Variants in GPC6 observed in about 807,000 individuals in gnomAD.
The protein encoded by GPC6 is glypican 6, also known as glypican-6.
Under a neutral mutation model 55.2 loss-of-function variants are expected in GPC6, and 14 were observed. That is an observed-to-expected ratio of 0.25 (90% CI 0.17 to 0.40). The LOEUF (loss-of-function observed/expected upper bound fraction) is 0.40. Ranked by LOEUF, GPC6 falls within the 10% of genes least tolerant of loss-of-function variation. GPC6 has a pLI of 1.00. For synonymous variants in GPC6, 278 were observed against 259.6 expected (o/e 1.07, Z -0.68); for missense variants, 641 against 708.5 (o/e 0.90, Z 1.08).
chr13:93,796,179 C>T (rs1016238336), intron 2 of GPC6, among the ~76,000 whole-genome samples: 1 of 151,292 alleles, frequency 6.6e-6, no homozygotes. Flanking sequence ...CTGGGTGACA[C>T]AGTGAGACCC....
chr13:93,577,927 GA>G (rs1324019929), intron 2 of GPC6, among the ~76,000 whole-genome samples: 1 of 151,960 alleles, frequency 6.6e-6, no homozygotes, highest in Non-Finnish European at 1.5e-5. Context: ...AAGGCATGTT[GA>G]ATTTTATCTA....
intron 1 of GPC6, among the ~76,000 whole-genome samples, chr13:93,542,639 AT>A (rs1882364317): frequency 6.6e-6 from 1 of 152,146 alleles, no homozygotes; most frequent in Non-Finnish European, 1.5e-5. Flanking sequence ...CGTGATATTG[AT>A]TCTTCCTACC....
intron 3 of GPC6, among the ~76,000 whole-genome samples, chr13:94,015,199 GTTA>G (rs1882413040): frequency 6.6e-6 from 1 of 152,118 alleles, no homozygotes; most frequent in African/African-American, 2.4e-5. Context: ...ACCCACACTG[GTTA>G]TTATCTGTCT....
chr13:94,294,437 T>TAA (rs397944823), intron 5 of GPC6, among the ~76,000 whole-genome samples: 4,420 of 116,668 alleles, frequency 0.038, 153 homozygotes, highest in East Asian at 0.18. Context: ...AAATGAAGAT[T>TAA]AAAAAAAAAA....
intron 1 of GPC6, among the ~76,000 whole-genome samples, chr13:93,455,179 C>T (rs1212473469): frequency 6.6e-6 from 1 of 152,172 alleles, no homozygotes; most frequent in Non-Finnish European, 1.5e-5. Flanking sequence ...CTCCACACCT[C>T]CCTGCAATCT....
At chr13:93,523,028 T>C (rs568985888) in intron 1 of GPC6, among the ~76,000 whole-genome samples, 8,656 of 150,956 alleles carry the variant, frequency 0.057, 820 homozygotes, top group African/African-American at 0.2. Flanking sequence ...TATATATATA[T>C]ATACAAATAC....
chr13:93,569,682 C>A (rs1426611747), intron 2 of GPC6, among the ~76,000 whole-genome samples: 1 of 151,836 alleles, frequency 6.6e-6, no homozygotes, highest in Non-Finnish European at 1.5e-5. Context: ...ATATTAATAG[C>A]ATATTAATAA....
At chr13:93,431,434 TA>T (rs989182413) in intron 1 of GPC6, among the ~76,000 whole-genome samples, 8 of 151,986 alleles carry the variant, frequency 5.3e-5, no homozygotes, top group African/African-American at 1.7e-4. Context: ...TTGATAAATA[TA>T]AAAAAATACA....
At chr13:93,630,812 C>T (rs1879395360) in intron 2 of GPC6, among the ~76,000 whole-genome samples, 1 of 152,062 alleles carries the variant, frequency 6.6e-6, no homozygotes, top group African/African-American at 2.4e-5. Context: ...TTCTCACCTT[C>T]TGTTATGGGC....
At chr13:93,300,546 G>T (rs1394695987) in intron 1 of GPC6, among the ~76,000 whole-genome samples, 4 of 151,512 alleles carry the variant, frequency 2.6e-5, no homozygotes, top group Non-Finnish European at 4.4e-5. Context: ...TACTTGGGAG[G>T]CTGAGGCAGG....
chr13:93,406,516 A>G (rs780622845), intron 1 of GPC6, among the ~76,000 whole-genome samples: 23 of 152,214 alleles, frequency 1.5e-4, no homozygotes, highest in Non-Finnish European at 2.6e-4. Context: ...ATTTACTTCT[A>G]TAAGTAAAGT....
chr13:94,393,214 G>C (rs1880740174), intron 7 of GPC6, among the ~76,000 whole-genome samples: 1 of 152,168 alleles, frequency 6.6e-6, no homozygotes, highest in Admixed American at 6.5e-5. Context: ...AATGACCACA[G>C]TGAATATGCT....
intron 1 of GPC6, among the ~76,000 whole-genome samples, chr13:93,372,271 G>A (rs896341528): frequency 2.0e-4 from 30 of 152,064 alleles, no homozygotes; most frequent in African/African-American, 6.8e-4. Context: ...AAGAGAAGCA[G>A]AGGTCCTGCT....
At chr13:94,083,414 G>A (rs781668431) in intron 4 of GPC6, among the ~76,000 whole-genome samples, 14 of 152,252 alleles carry the variant, frequency 9.2e-5, no homozygotes, top group African/African-American at 2.6e-4. Context: ...CACTGCACCC[G>A]GCCAGGTTTT....
intron 4 of GPC6, among the ~76,000 whole-genome samples, chr13:94,044,808 T>A (rs533805855): frequency 6.6e-6 from 1 of 151,968 alleles, no homozygotes; most frequent in South Asian, 2.1e-4. Context: ...ATTTTTAGAT[T>A]TTTTCAGATA....
intron 1 of GPC6, among the ~76,000 whole-genome samples, chr13:93,540,246 T>G (rs1882237656): frequency 6.6e-6 from 1 of 152,172 alleles, no homozygotes. Flanking sequence ...CTACTAAGCT[T>G]TAATAACATA....
At chr13:94,155,685 C>T (rs1007019936) in intron 4 of GPC6, among the ~76,000 whole-genome samples, 6 of 152,110 alleles carry the variant, frequency 3.9e-5, no homozygotes, top group South Asian at 4.1e-4. Context: ...TCTTCTGATA[C>T]GCAAATCTGA....
intron 4 of GPC6, among the ~76,000 whole-genome samples, chr13:94,155,216 C>G (rs1252581295): frequency 2.6e-5 from 2 of 76,716 alleles, no homozygotes; most frequent in East Asian, 1.1e-3. Context: ...ACTGAGCTCA[C>G]CCTTCTCATC....
chr13:93,358,519 G>A (rs1278180198), intron 1 of GPC6, among the ~76,000 whole-genome samples: 2 of 152,194 alleles, frequency 1.3e-5, no homozygotes, highest in South Asian at 2.1e-4. Flanking sequence ...AGGTCCCACC[G>A]CCCTTAAGTA....
Sources: allele counts gnomAD v4.1 joint callset (sites outside exome capture counted in the v4.1 genomes callset), GRCh38; gene constraint gnomAD v4.1.1; transcripts MANE v1.5; gene names NCBI Gene and HGNC (gene_info 2026-07-23, HGNC 2026-07-21).